ZNF678: variants seen among roughly 807,000 people sequenced by gnomAD.
ZNF678 encodes zinc finger protein 678.
Under a neutral mutation model 3.0 loss-of-function variants are expected in ZNF678, and 5 were observed. The observed-to-expected ratio is 1.69, with a 90% CI of 0.88 to 3.56. The LOEUF (loss-of-function observed/expected upper bound fraction) is 3.56, where lower values mean the gene tolerates loss of function less well. Among genes scored for constraint, ZNF678 ranks in the 30% most tolerant of loss-of-function variants. The probability of loss-of-function intolerance (pLI) is 0.00; values close to 1 mark genes in which losing one functional copy is unlikely to be tolerated. For synonymous variants in ZNF678, 218 were observed against 199.6 expected (o/e 1.09, Z -0.78); for missense variants, 593 against 605.0 (o/e 0.98, Z 0.21).
chr1:227,619,048 AACTC>A (rs1658210044), intron 1 of ZNF678, among the ~76,000 whole-genome samples: 2 of 152,030 alleles, frequency 1.3e-5, no homozygotes, highest in African/African-American at 2.4e-5. Context: ...ATCTCATGAG[AACTC>A]ACTCACCATC....
intron 1 of ZNF678, among the ~76,000 whole-genome samples, chr1:227,574,944 T>TG (rs1558129277): frequency 6.6e-6 from 1 of 151,762 alleles, no homozygotes; most frequent in East Asian, 1.9e-4. Context: ...TATGGGGTTT[T>TG]TTGTTGTTGT....
intron 5 of ZNF678, among the ~76,000 whole-genome samples, chr1:227,669,472 T>G (rs1659562808): frequency 7.1e-6 from 1 of 141,412 alleles, no homozygotes; most frequent in African/African-American, 2.8e-5. Context: ...CCGTCTCTAC[T>G]AAAAATATAT....
intron 3 of ZNF678, among the ~76,000 whole-genome samples, chr1:227,652,861 T>C (rs1659124088): frequency 6.6e-6 from 1 of 152,144 alleles, no homozygotes; most frequent in African/African-American, 2.4e-5. Flanking sequence ...CAGACAGTTA[T>C]GTATTTGTAT....
chr1:227,582,211 G>GT (rs1657148141), intron 1 of ZNF678, among the ~76,000 whole-genome samples: 3 of 151,660 alleles, frequency 2.0e-5, no homozygotes, highest in Admixed American at 2.0e-4. Context: ...TTCCACTCTA[G>GT]TTTTTTATTT....
At chr1:227,677,852 T>A (rs1659710563), downstream of ZNF678, among the ~76,000 whole-genome samples, 1 of 152,188 alleles carries the variant, frequency 6.6e-6, no homozygotes, top group Non-Finnish European at 1.5e-5. Context: ...CCTTAAAGAA[T>A]AAACTACATC....
rs1659264012 is a variant in ZNF678, at chr1:227,656,934, C to G, written c.*1106C>G. ...GGTAACAGATAGTAACAATACACTA[C>G]TGGGTAACAGTGAAAGGACACCTCT... On this transcript the variant is annotated 3_prime_UTR_variant, in exon 4 of 4. Transcript: ENST00000343776. 6.6e-6 allele frequency: 1 copy of G among 151,972 alleles called. No individual in the cohort carries two copies. The highest frequency in any genetic ancestry group is 1.5e-5 in the Non-Finnish European group (1 of 67,910). 9.4% of individuals were successfully genotyped at this position (151,972 alleles called of 1,614,324 possible).
chr1:227,579,555 G>A (rs1406939859), intron 1 of ZNF678, among the ~76,000 whole-genome samples: 1 of 152,148 alleles, frequency 6.6e-6, no homozygotes, highest in Non-Finnish European at 1.5e-5. Context: ...GCAAAGTGAT[G>A]TGGGAAGTTA....
At position 227,660,835 on chromosome 1, in the gene ZNF678, C is replaced by T. The variant is rs1319141079; in HGVS notation, c.*5007C>T. On this transcript the variant is annotated 3_prime_UTR_variant, in exon 4 of 4. Coordinates refer to ENST00000343776, the MANE Select transcript of ZNF678 (RefSeq NM_001367909.1). ...AAGGTTTAGCATGATGTCAGATGTC[C>T]ATTTGTCATATATGGCCTTTATTGG... The T allele has an allele frequency of 6.6e-6, 1 of 152,126 alleles. No homozygotes were observed. The highest frequency in any genetic ancestry group is 1.9e-4 in the East Asian group (1 of 5,198). The allele number at this position is 152,126 out of a possible 1,614,324, so 9.4% of individuals were successfully genotyped here. A position where few individuals can be genotyped will look rare whatever the true frequency, so the allele number is the denominator to read the frequency against.
At chr1:227,670,761 C>G (rs1659586866) in intron 5 of ZNF678, among the ~76,000 whole-genome samples, 1 of 152,190 alleles carries the variant, frequency 6.6e-6, no homozygotes, top group South Asian at 2.1e-4. Flanking sequence ...AAGGGCTGCC[C>G]TAGTCTTTCA....
At chr1:227,604,480 A>G (rs1213473688) in intron 1 of ZNF678, among the ~76,000 whole-genome samples, 1 of 152,010 alleles carries the variant, frequency 6.6e-6, no homozygotes, top group African/African-American at 2.4e-5. Context: ...CCACCTCCCA[A>G]TCTCAAATGA....
chr1:227,567,196 G>A (rs544966871), intron 1 of ZNF678, among the ~76,000 whole-genome samples: 2 of 152,260 alleles, frequency 1.3e-5, no homozygotes, highest in South Asian at 4.1e-4. Flanking sequence ...TTTAATTGAC[G>A]TTTTTGTTAT....
At chr1:227,579,451 C>A (rs963434849) in intron 1 of ZNF678, among the ~76,000 whole-genome samples, 1 of 152,044 alleles carries the variant, frequency 6.6e-6, no homozygotes, top group East Asian at 1.9e-4. Context: ...GGCTCTGTGC[C>A]TGCCAAGGCT....
At chr1:227,623,622 T>C (rs1235971853) in intron 1 of ZNF678, among the ~76,000 whole-genome samples, 2 of 152,210 alleles carry the variant, frequency 1.3e-5, no homozygotes, top group African/African-American at 4.8e-5. Context: ...TTGAGTTATG[T>C]TCAATATTTT....
intron 1 of ZNF678, among the ~76,000 whole-genome samples, chr1:227,593,321 T>C (rs1445114652): frequency 6.6e-6 from 1 of 152,268 alleles, no homozygotes; most frequent in Admixed American, 6.5e-5. Context: ...GTATCCTGTC[T>C]TTATTGCTAA....
intron 1 of ZNF678, among the ~76,000 whole-genome samples, chr1:227,594,295 AT>A (rs1337882146): frequency 6.6e-6 from 1 of 152,202 alleles, no homozygotes; most frequent in Non-Finnish European, 1.5e-5. Context: ...TTAGTGTGTT[AT>A]TAATGTTAAA....
At chr1:227,623,826 T>C (rs1272281162) in intron 1 of ZNF678, among the ~76,000 whole-genome samples, 2 of 152,218 alleles carry the variant, frequency 1.3e-5, no homozygotes, top group South Asian at 2.1e-4. Flanking sequence ...GAAATGAACA[T>C]AGTCTTACTG....
At chr1:227,647,098 C>CAA (rs111899784) in intron 2 of ZNF678, among the ~76,000 whole-genome samples, 3 of 151,052 alleles carry the variant, frequency 2.0e-5, no homozygotes, top group Non-Finnish European at 3.0e-5. Flanking sequence ...ACTAAAAATA[C>CAA]AAAAAAAAAT....
intron 1 of ZNF678, among the ~76,000 whole-genome samples, chr1:227,635,739 G>T (rs899401141): frequency 3.9e-5 from 6 of 152,012 alleles, no homozygotes; most frequent in African/African-American, 1.5e-4. Context: ...CAATCTTCAG[G>T]GGTACGTGTC....
At chr1:227,671,622 T>G (rs1420627374) in intron 5 of ZNF678, among the ~76,000 whole-genome samples, 1 of 152,332 alleles carries the variant, frequency 6.6e-6, no homozygotes, top group Non-Finnish European at 1.5e-5. Context: ...TATTTGATAT[T>G]CTTTCTCAGG....
Sources: allele counts gnomAD v4.1 joint callset (sites outside exome capture counted in the v4.1 genomes callset), GRCh38; gene constraint gnomAD v4.1.1; transcripts MANE v1.5; gene names NCBI Gene and HGNC (gene_info 2026-07-23, HGNC 2026-07-21).